ZNF385C: variants seen among roughly 807,000 people sequenced by gnomAD.
The protein encoded by ZNF385C is CTD-2132N18.2.
Under a neutral mutation model 35.4 loss-of-function variants are expected in ZNF385C, and 28 were observed. The observed-to-expected ratio is 0.79, with a 90% CI of 0.59 to 1.08. The LOEUF (loss-of-function observed/expected upper bound fraction) is 1.08. Ranked by LOEUF, ZNF385C falls within the 50% of genes least tolerant of loss-of-function variation. ZNF385C has a pLI of 0.00. For synonymous variants in ZNF385C, 248 were observed against 248.2 expected (o/e 1.00, Z 0.01); for missense variants, 605 against 595.6 (o/e 1.02, Z -0.16).
chr17:42,091,062 G>T (rs1462124592), intron 1 of ZNF385C, among the ~76,000 whole-genome samples: 1 of 152,138 alleles, frequency 6.6e-6, no homozygotes, highest in Admixed American at 6.5e-5. Flanking sequence ...TTGGGGGTAG[G>T]GGCTGGGACA....
chr17:42,058,873 T>G (rs1397598505), intron 2 of ZNF385C, among the ~76,000 whole-genome samples: 2 of 152,172 alleles, frequency 1.3e-5, no homozygotes, highest in Non-Finnish European at 2.9e-5. Flanking sequence ...GCCAGGCTGG[T>G]CTCGAATTCT....
At chr17:42,055,654 C>T (rs1260290795) in intron 2 of ZNF385C, among the ~76,000 whole-genome samples, 6 of 152,084 alleles carry the variant, frequency 3.9e-5, no homozygotes, top group African/African-American at 9.7e-5. Flanking sequence ...AGGGAGATAC[C>T]GAAGGATGGG....
chr17:42,031,322 C>T (rs369617678), intron 5 of ZNF385C, among the ~76,000 whole-genome samples: 1 of 152,212 alleles, frequency 6.6e-6, no homozygotes, highest in African/African-American at 2.4e-5. Flanking sequence ...AACATGTGAG[C>T]CACCATTCCT....
intron 1 of ZNF385C, among the ~76,000 whole-genome samples, chr17:42,090,263 T>A (rs368452300): frequency 1.3e-5 from 2 of 149,494 alleles, no homozygotes; most frequent in African/African-American, 2.5e-5. Flanking sequence ...TTCCTTCCCA[T>A]TTCCTCTTAT....
chr17:42,026,488 T>C lies in ZNF385C; in HGVS notation c.*409A>G, dbSNP rs2052581065. ...GCTGCAGCTAGAGACCCCATCCCTA[T>C]CTCCAGTGAAGCCCCAAAGCCTAGG... On this transcript the variant is annotated 3_prime_UTR_variant, in exon 9 of 9. Coordinates refer to ENST00000692273, the MANE Select transcript of ZNF385C (RefSeq NM_001392013.1). 2 of 230,700 alleles carry C rather than the reference T, an allele frequency of 8.7e-6. No individual in the cohort carries two copies. Among genetic ancestry groups the C allele is most frequent in the African/African-American group, 2.4e-5 (1 of 42,500 alleles). The allele number at this position is 230,700 out of a possible 1,614,324, so 14.3% of individuals were successfully genotyped here.
chr17:42,060,593 G>A (rs1244902319), intron 2 of ZNF385C, among the ~76,000 whole-genome samples: 1 of 148,160 alleles, frequency 6.7e-6, no homozygotes, highest in African/African-American at 2.4e-5. Context: ...AGAGCCATGG[G>A]CTTGCAGGCC....
intron 1 of ZNF385C, among the ~76,000 whole-genome samples, chr17:42,082,267 G>C (rs1555659782): frequency 6.6e-6 from 1 of 152,172 alleles, no homozygotes; most frequent in African/African-American, 2.4e-5. Flanking sequence ...TATGACTCGT[G>C]ACCTCAGTGA....
intron 1 of ZNF385C, among the ~76,000 whole-genome samples, chr17:42,074,940 G>C (rs2053668513): frequency 6.6e-6 from 1 of 151,712 alleles, no homozygotes; most frequent in Non-Finnish European, 1.5e-5. Context: ...ACATGCCAAT[G>C]ATGGGGAGAT....
chr17:42,081,364 A>T (rs1260329262), intron 1 of ZNF385C, among the ~76,000 whole-genome samples: 1 of 151,982 alleles, frequency 6.6e-6, no homozygotes, highest in Non-Finnish European at 1.5e-5. Context: ...GCCTTGGAAA[A>T]TTCTGATGTC....
chr17:42,042,692 C>G, intron 2 of ZNF385C: 1 of 585,156 alleles, frequency 1.7e-6, no homozygotes. Flanking sequence ...GACATAGGCT[C>G]TCAGGGAAGG....
At chr17:42,043,072 GCCTGGC>G (rs2053064006) in intron 2 of ZNF385C, 2 of 1,232,120 alleles carry the variant, frequency 1.6e-6, no homozygotes, top group South Asian at 8.2e-5. Flanking sequence ...TCCACCTTCA[GCCTGGC>G]CCTCAAAAGG....
intron 2 of ZNF385C, chr17:42,040,387 C>G (rs2052988058): frequency 8.1e-7 from 1 of 1,231,844 alleles, no homozygotes; most frequent in South Asian, 4.1e-5. Flanking sequence ...GCCCTGGAGG[C>G]GGGCCCCACC....
Position 42,076,354 on chromosome 17 carries a change from G to A in ZNF385C, c.-2-13296C>T, listed in dbSNP as rs182262682. Among the ~76,000 whole-genome samples the A allele has an allele frequency of 2.2e-3, 341 of 151,962 alleles. 1 individual carries two copies. Among genetic ancestry groups the A allele is most frequent in the African/African-American group, 8.0e-3 (330 of 41,458 alleles). On this transcript the variant is annotated intron_variant, in intron 1 of 8. Transcript: ENST00000692273. ...GGGGAGGCTCTGGCCGGGCGCGGTG[G>A]CTCACGCCTGTAATCCCAGCACTTT...
At chr17:42,083,707 CTTTTTTTTTTT>C (rs59612634) in intron 1 of ZNF385C, among the ~76,000 whole-genome samples, 13 of 49,940 alleles carry the variant, frequency 2.6e-4, no homozygotes, top group East Asian at 7.6e-4. Context: ...CTTTTCAAGT[CTTTTTTTTTTT>C]TTTTTTTTTT....
At chr17:42,056,636 G>C (rs1178594183) in intron 2 of ZNF385C, among the ~76,000 whole-genome samples, 1 of 152,146 alleles carries the variant, frequency 6.6e-6, no homozygotes, top group African/African-American at 2.4e-5. Flanking sequence ...ATCTTGAATT[G>C]TAGCTCCCAT....
rs9913226 is a variant in ZNF385C, at chr17:42,087,828, G to A, written c.-3+10582C>T. On this transcript the variant is annotated intron_variant, in intron 1 of 8. Coordinates refer to ENST00000692273, the MANE Select transcript of ZNF385C (RefSeq NM_001392013.1). ...TACAATAATGTCTGACAGAGTTAGT[G>A]ATTATACCTCCGTAATCTATAACCA... Among the ~76,000 whole-genome samples, 1,476 of 152,290 alleles carry A rather than the reference G, an allele frequency of 9.7e-3. 13 individuals are homozygous for A. Among genetic ancestry groups the A allele is most frequent in the African/African-American group, 0.034 (1,419 of 41,532 alleles).
At chr17:42,029,352 G>C (rs2143519833) in intron 5 of ZNF385C, among the ~76,000 whole-genome samples, 1 of 152,334 alleles carries the variant, frequency 6.6e-6, no homozygotes, top group East Asian at 1.9e-4. Context: ...AGAATGTTCA[G>C]AGAACACTAT....
chr17:42,072,641 C>T (rs1398566401), intron 1 of ZNF385C, among the ~76,000 whole-genome samples: 2 of 152,070 alleles, frequency 1.3e-5, no homozygotes. Context: ...CAGCTCCCGG[C>T]CCCGCGCTCT....
At chr17:42,046,925 C>G (rs563616943) in intron 2 of ZNF385C, among the ~76,000 whole-genome samples, 1 of 150,082 alleles carries the variant, frequency 6.7e-6, no homozygotes, top group East Asian at 2.0e-4. Flanking sequence ...TGCAGTGGTG[C>G]GATCTCAGCT....
Sources: allele counts gnomAD v4.1 joint callset (sites outside exome capture counted in the v4.1 genomes callset), GRCh38; gene constraint gnomAD v4.1.1; transcripts MANE v1.5; gene names NCBI Gene and HGNC (gene_info 2026-07-23, HGNC 2026-07-21).